SPON1: variants seen among roughly 807,000 people sequenced by gnomAD.
SPON1 encodes spondin 1.
A neutral mutation model predicts 111.7 loss-of-function variants in SPON1; 52 were observed. The ratio of observed to expected loss-of-function variants is 0.47; its 90% CI spans 0.37 to 0.59. The LOEUF (loss-of-function observed/expected upper bound fraction) is 0.59. Ranked by LOEUF, SPON1 falls within the 20% of genes least tolerant of loss-of-function variation. The pLI is 0.00. For synonymous variants in SPON1, 410 were observed against 395.8 expected (o/e 1.04, Z -0.43); for missense variants, 957 against 1,068.5 (o/e 0.90, Z 1.46).
At chr11:14,106,697 A>G (rs538923016) in intron 5 of SPON1, among the ~76,000 whole-genome samples, 3 of 152,346 alleles carry the variant, frequency 2.0e-5, no homozygotes, top group Admixed American at 1.3e-4. Flanking sequence ...AAATCGCAGC[A>G]TAGGCAGCCC....
At chr11:14,180,018 T>A (rs1848220571) in intron 6 of SPON1, among the ~76,000 whole-genome samples, 1 of 152,206 alleles carries the variant, frequency 6.6e-6, no homozygotes, top group Admixed American at 6.5e-5. Context: ...TGCAGAAGAC[T>A]CTTTACAGAT....
intron 9 of SPON1, among the ~76,000 whole-genome samples, chr11:14,256,139 C>T (rs1214811963): frequency 1.3e-5 from 2 of 151,998 alleles, no homozygotes; most frequent in African/African-American, 4.8e-5. Context: ...TCCAGCTACT[C>T]GGGAGGCTAA....
At chr11:14,205,959 C>T (rs558151870) in intron 6 of SPON1, among the ~76,000 whole-genome samples, 8 of 152,278 alleles carry the variant, frequency 5.3e-5, no homozygotes, top group Middle Eastern at 6.8e-3. Context: ...CCCCATCCAT[C>T]TTCACCTGCT....
chr11:14,232,893 G>T (rs1848818066), intron 6 of SPON1, among the ~76,000 whole-genome samples: 1 of 152,120 alleles, frequency 6.6e-6, no homozygotes, highest in Admixed American at 6.5e-5. Flanking sequence ...TGAGCACATG[G>T]CAGGGGGGGC....
intron 15 of SPON1, 145 bp downstream of exon 15, chr11:14,263,120 ATTC>A: frequency 1.2e-6 from 1 of 829,620 alleles, no homozygotes; most frequent in Non-Finnish European, 1.8e-6. Flanking sequence ...CCACATTTTG[ATTC>A]TTTAGATCCA....
In SPON1 at chr11:14,265,907, C is replaced by T. The variant is rs1207349819; in HGVS notation, c.*220C>T. ...CTCACCTCCAGCCAGCCTCTTCCTG[C>T]AGAGGAGTAGTGTCAGCCACCTTGT... On this transcript the variant is annotated 3_prime_UTR_variant, in exon 16 of 16. Coordinates refer to ENST00000576479, the MANE Select transcript of SPON1 (RefSeq NM_006108.4). 1.4e-5 allele frequency: 7 copies of T among 496,570 alleles called. No homozygotes were observed. The highest frequency in any genetic ancestry group is 1.4e-4 in the African/African-American group (7 of 51,506). 30.8% of individuals were successfully genotyped at this position (496,570 alleles called of 1,614,324 possible).
At chr11:14,037,152 G>A (rs1848600638) in intron 2 of SPON1, among the ~76,000 whole-genome samples, 1 of 151,958 alleles carries the variant, frequency 6.6e-6, no homozygotes, top group African/African-American at 2.4e-5. Context: ...GGGTACATGT[G>A]CACAATGTGC....
At chr11:14,264,034 TAAAA>T (rs113927403) in intron 15 of SPON1, among the ~76,000 whole-genome samples, 29 of 117,714 alleles carry the variant, frequency 2.5e-4, no homozygotes, top group African/African-American at 8.0e-4. Flanking sequence ...CGTCTCAAAT[TAAAA>T]AAAAAAAAAA....
intron 2 of SPON1, among the ~76,000 whole-genome samples, chr11:13,990,547 A>C (rs1422824385): frequency 6.6e-6 from 1 of 151,800 alleles, no homozygotes; most frequent in African/African-American, 2.4e-5. Context: ...TGTGTCTTTT[A>C]ATTGGGGCAT....
intron 5 of SPON1, among the ~76,000 whole-genome samples, chr11:14,092,146 C>A (rs1378367094): frequency 6.6e-6 from 1 of 152,218 alleles, no homozygotes; most frequent in African/African-American, 2.4e-5. Context: ...CAATACCCTC[C>A]AAGGACATTC....
chr11:14,092,161 G>A (rs1272416572), intron 5 of SPON1, among the ~76,000 whole-genome samples: 1 of 152,236 alleles, frequency 6.6e-6, no homozygotes, highest in Non-Finnish European at 1.5e-5. Context: ...ACATTCTTAA[G>A]TGAAACGGAC....
chr11:14,173,264 C>A (rs1430799109), intron 6 of SPON1, among the ~76,000 whole-genome samples: 1 of 152,168 alleles, frequency 6.6e-6, no homozygotes, highest in Non-Finnish European at 1.5e-5. Flanking sequence ...CGCTGATACC[C>A]TTTCTTCCAG....
At chr11:14,137,555 T>G (rs950893638) in intron 6 of SPON1, among the ~76,000 whole-genome samples, 1 of 152,120 alleles carries the variant, frequency 6.6e-6, no homozygotes, top group African/African-American at 2.4e-5. Flanking sequence ...GTTTTACAGA[T>G]AAGGAAACCA....
chr11:13,980,300 C>G lies in SPON1; in HGVS notation c.239-2547C>G, dbSNP rs370015389. On this transcript the variant is annotated intron_variant, in intron 1 of 15. Transcript: ENST00000576479. ...AAGTGATCCACCCACCTCGGCCTCCCAGAGTGCTGGGATTACAGGCATGAG... is the reference window on the plus strand; with the variant it reads ...AAGTGATCCACCCACCTCGGCCTCCGAGAGTGCTGGGATTACAGGCATGAG... Among the ~76,000 whole-genome samples the G allele has an allele frequency of 4.4e-3, 665 of 152,310 alleles. 4 individuals are homozygous for G. Among genetic ancestry groups the G allele is most frequent in the African/African-American group, 0.015 (639 of 41,572 alleles).
chr11:13,972,281 G>A (rs1483097035), intron 1 of SPON1, among the ~76,000 whole-genome samples: 1 of 152,180 alleles, frequency 6.6e-6, no homozygotes, highest in East Asian at 1.9e-4. Flanking sequence ...ATCACACTGA[G>A]CTTGCAGCCA....
chr11:14,202,226 C>T (rs983451899), intron 6 of SPON1, among the ~76,000 whole-genome samples: 1 of 152,176 alleles, frequency 6.6e-6, no homozygotes, highest in African/African-American at 2.4e-5. Flanking sequence ...CTAACATCAG[C>T]AAGAGTAACA....
intron 5 of SPON1, among the ~76,000 whole-genome samples, chr11:14,082,532 G>A (rs1174052521): frequency 2.6e-5 from 4 of 152,204 alleles, no homozygotes; most frequent in African/African-American, 9.6e-5. Context: ...CAAGCACTGT[G>A]TACTGATTGT....
At chr11:14,194,930 T>C (rs1012465541) in intron 6 of SPON1, among the ~76,000 whole-genome samples, 1 of 152,324 alleles carries the variant, frequency 6.6e-6, no homozygotes, top group South Asian at 2.1e-4. Context: ...AAAGCATGGG[T>C]AAATTCTTGA....
chr11:14,265,588 G>A lies in SPON1; in HGVS notation c.2325G>A (p.Gln775=), dbSNP rs1554942400. The change falls in exon 16 of 16, where the codon CAG becomes CAA. Residue 775 remains glutamine (Q), a synonymous_variant. Transcript: ENST00000576479. The part of the protein sequence containing the change: ...ECTKLCGGGI[Q]ERYMTVKKRF... ...CCAAACTGTGCGGAGGTGGAATTCAGGAACGTTACATGACTGTAAAGAAGA... is the reference window on the plus strand; with the variant it reads ...CCAAACTGTGCGGAGGTGGAATTCAAGAACGTTACATGACTGTAAAGAAGA... 1 of 1,613,696 alleles carries A rather than the reference G, an allele frequency of 6.2e-7. No individual in the cohort carries two copies. The highest frequency in any genetic ancestry group is 1.7e-5 in the Admixed American group (1 of 59,978).
Sources: allele counts gnomAD v4.1 joint callset (sites outside exome capture counted in the v4.1 genomes callset), GRCh38; gene constraint gnomAD v4.1.1; transcripts MANE v1.5; gene names NCBI Gene and HGNC (gene_info 2026-07-23, HGNC 2026-07-21).